RAE1: variants seen among roughly 807,000 people sequenced by gnomAD.
RAE1 encodes mRNA export factor RAE1.
RAE1 carries 13 observed loss-of-function variants against 52.7 expected under a neutral mutation model. The ratio of observed to expected loss-of-function variants is 0.25; its 90% CI spans 0.16 to 0.39. The LOEUF (loss-of-function observed/expected upper bound fraction) is 0.39. Ranked by LOEUF, RAE1 falls within the 10% of genes least tolerant of loss-of-function variation. RAE1 has a pLI of 1.00. For synonymous variants in RAE1, 164 were observed against 153.1 expected (o/e 1.07, Z -0.52); for missense variants, 262 against 459.8 (o/e 0.57, Z 3.93).
Position 57,373,556 on chromosome 20 carries a change from A to G in RAE1, c.724A>G (p.Ile242Val), listed in dbSNP as rs1162969617. The part of the protein sequence containing the change: ...ALGSIEGRVA[I>V]HYINPPNPAK... ...GGGAAGTATCGAGGGGAGAGTTGCT[A>G]TTCACTATATCAACCCCCCGAACCC... Residue 242 changes from isoleucine to valine, a missense_variant, in exon 9 of 12, where the codon ATT (isoleucine) becomes GTT (valine). Transcript: ENST00000395841. The G allele has an allele frequency of 1.9e-6, 3 of 1,614,126 alleles. No individual in the cohort carries two copies. Among genetic ancestry groups the G allele is most frequent in the Non-Finnish European group, 2.5e-6 (3 of 1,179,986 alleles).
intron 1 of RAE1, among the ~76,000 whole-genome samples, chr20:57,353,094 A>G (rs919573908): frequency 2.0e-5 from 3 of 152,236 alleles, no homozygotes; most frequent in African/African-American, 4.8e-5. Context: ...TCACTCAGCC[A>G]TTTGGCTCCC....
chr20:57,375,122 C>T (rs1222144596), intron 11 of RAE1: 2 of 654,840 alleles, frequency 3.1e-6, no homozygotes, highest in East Asian at 5.4e-5. Context: ...GGTCATGGAG[C>T]TTTCGCCTGG....
At chr20:57,374,409 C>T (rs1423267629) in intron 10 of RAE1, among the ~76,000 whole-genome samples, 198 bp from the exon 11 acceptor site, 1 of 152,182 alleles carries the variant, frequency 6.6e-6, no homozygotes, top group Non-Finnish European at 1.5e-5. Flanking sequence ...GTGCAGCCCT[C>T]ACAGGAGGCA....
At chr20:57,373,413 C>A in intron 8 of RAE1, 62 bp from the exon 9 acceptor site, 1 of 1,495,126 alleles carries the variant, frequency 6.7e-7, no homozygotes, top group Non-Finnish European at 9.2e-7. Context: ...GACTTACCTT[C>A]ACGTTAGTCA....
intron 4 of RAE1, chr20:57,359,229 G>T: frequency 5.1e-6 from 2 of 391,640 alleles, no homozygotes; most frequent in South Asian, 2.0e-4. Flanking sequence ...TGTTTCCTTA[G>T]AGCATGCCTG....
rs1360039925 is a variant in RAE1, at chr20:57,373,873, C to CTG, written c.825+137_825+138dup. The CTG allele has an allele frequency of 6.4e-6, 6 of 930,250 alleles. No homozygotes were observed. In the African/African-American group the frequency reaches 1.0e-4, roughly 15 times the overall value. The allele number at this position is 930,250 out of a possible 1,614,324, so 57.6% of individuals were successfully genotyped here. ...CATGTCCGGAGATAAGTGGCTTATG[C>CTG]TGTAGGCTTCAGGTTTCTGTGGATT... On this transcript the variant is annotated intron_variant, in intron 10 of 11. Coordinates refer to ENST00000395841, the MANE Select transcript of RAE1 (RefSeq NM_003610.4).
chr20:57,378,644 G>A lies in RAE1; in HGVS notation c.*545G>A, dbSNP rs1478172348. ...TGCTGCGCGGAACGGCAGCCTCTGTGAGCCCTGGTGGGCAGAGTTTGAATG... is the reference window on the plus strand; with the variant it reads ...TGCTGCGCGGAACGGCAGCCTCTGTAAGCCCTGGTGGGCAGAGTTTGAATG... On this transcript the variant is annotated 3_prime_UTR_variant, in exon 12 of 12. Transcript: ENST00000395841. The A allele has an allele frequency of 6.6e-6, 1 of 152,496 alleles. No homozygotes were observed. Among genetic ancestry groups the A allele is most frequent in the East Asian group, 1.9e-4 (1 of 5,188 alleles). 9.4% of individuals were successfully genotyped at this position (152,496 alleles called of 1,614,324 possible).
chr20:57,375,323 G>A (rs1024067357), intron 11 of RAE1, among the ~76,000 whole-genome samples: 2 of 152,130 alleles, frequency 1.3e-5, no homozygotes, highest in Admixed American at 1.3e-4. Flanking sequence ...AGCTCTTCTG[G>A]AGAGGTTGTC....
chr20:57,368,684 C>CT, intron 7 of RAE1, 21 bp from the exon 8 acceptor site: 1 of 1,558,250 alleles, frequency 6.4e-7, no homozygotes, highest in South Asian at 1.1e-5. Flanking sequence ...AAGCGCATCT[C>CT]TGTTTTCTTC....
rs1600699361 is a variant in RAE1 at position 57,351,420 on chromosome 20, C to T, written c.-10C>T. 3 of 985,404 alleles carry T rather than the reference C, an allele frequency of 3.0e-6. No individual in the cohort carries two copies. Among genetic ancestry groups the T allele is most frequent in the East Asian group, 2.3e-4 (2 of 8,820 alleles). The allele number at this position is 985,404 out of a possible 1,614,324, so 61.0% of individuals were successfully genotyped here. A position where few individuals can be genotyped will look rare whatever the true frequency, so the allele number is the denominator to read the frequency against. On this transcript the variant is annotated splice_region_variant and 5_prime_UTR_variant, in exon 1 of 12. Transcript: ENST00000395841. ...CCGCTTTCCGCCGGGGCGAGACCCC[C>T]AGGTAGGCCCCGTGCCGCGCGCGTC...
chr20:57,374,461 T>G, intron 10 of RAE1, 146 bp from the exon 11 acceptor site: 1 of 778,494 alleles, frequency 1.3e-6, no homozygotes, highest in East Asian at 2.4e-5. Context: ...GAAGCCTGGA[T>G]AGTTTCTCTT....
At chr20:57,354,856 C>G in intron 3 of RAE1, 40 bp downstream of exon 3, 1 of 1,436,290 alleles carries the variant, frequency 7.0e-7, no homozygotes, top group Admixed American at 2.1e-5. Context: ...AATCATCTCT[C>G]TTTGTATGGC....
chr20:57,351,797 A>G lies in RAE1; in HGVS notation c.-8+375A>G, dbSNP rs192871896. ...GTCCCCTTTTAGCCTCTTCCACGTC[A>G]ACCTGCTCCATTTCTTTCGTAGCAG... is the stretch of plus-strand genomic sequence containing the variant. On this transcript the variant is annotated intron_variant, in intron 1 of 11. Coordinates refer to ENST00000395841, the MANE Select transcript of RAE1 (RefSeq NM_003610.4). 1.7e-5 allele frequency: 17 copies of G among 985,412 alleles called. No individual in the cohort carries two copies. In the African/African-American group the frequency reaches 2.4e-4, roughly 14 times the overall value. The allele number at this position is 985,412 out of a possible 1,614,324, so 61.0% of individuals were successfully genotyped here. A position where few individuals can be genotyped will look rare whatever the true frequency, so the allele number is the denominator to read the frequency against.
intron 4 of RAE1, among the ~76,000 whole-genome samples, chr20:57,364,311 C>T (rs1194748876): frequency 6.6e-6 from 1 of 152,184 alleles, no homozygotes; most frequent in Non-Finnish European, 1.5e-5. Flanking sequence ...TTGGCATGCT[C>T]TGCTCCACAA....
At position 57,351,314 on chromosome 20, in the gene RAE1, G is replaced by C; in HGVS notation, c.-116G>C. On this transcript the variant is annotated 5_prime_UTR_variant, in exon 1 of 12. Transcript: ENST00000395841. ...GCTTAAGGAGGCTTCGGGCTCCTGG[G>C]ATTTCTGTCCGCGCTCCTGGCCCTC... is the stretch of plus-strand genomic sequence containing the variant. 2.0e-6 allele frequency: 2 copies of C among 985,514 alleles called. No homozygotes were observed. The highest frequency in any genetic ancestry group is 2.4e-6 in the Non-Finnish European group (2 of 829,992). 61.0% of individuals were successfully genotyped at this position (985,514 alleles called of 1,614,324 possible). A position where few individuals can be genotyped will look rare whatever the true frequency, so the allele number is the denominator to read the frequency against.
chr20:57,376,663 T>G (rs1231163181), intron 11 of RAE1, among the ~76,000 whole-genome samples: 2 of 152,026 alleles, frequency 1.3e-5, no homozygotes, highest in Non-Finnish European at 2.9e-5. Context: ...GTGACAAGAG[T>G]GTACTTTTTT....
rs2066971495 is a variant in RAE1 at position 57,367,408 on chromosome 20, G to T, written c.534+329G>T. Among the ~76,000 whole-genome samples, 2 of 152,120 alleles carry T rather than the reference G, an allele frequency of 1.3e-5. 1 individual carries two copies. The highest frequency in any genetic ancestry group is 4.1e-4 in the South Asian group (2 of 4,826). The stretch of plus-strand genomic sequence containing the variant: ...AAAACTTGCAGTAAGTTTGTGAGGT[G>T]GTACCAGGTCTTTGGGGACTGTTTC... On this transcript the variant is annotated intron_variant, in intron 7 of 11. Transcript: ENST00000395841.
Position 57,368,824 on chromosome 20 carries a change from G to T in RAE1, c.642+12G>T, listed in dbSNP as rs2066993982. On this transcript the variant is annotated intron_variant, in intron 8 of 11. Transcript: ENST00000395841. ...CACTGAAACATCAGGTGCGTCATTA[G>T]TCAAATCAAGAAGTATGTATTTAGC... 6.3e-7 allele frequency: 1 copy of T among 1,589,644 alleles called. No homozygotes were observed. Among genetic ancestry groups the T allele is most frequent in the South Asian group, 1.1e-5 (1 of 89,528 alleles).
At chr20:57,358,327 TAA>T (rs1311746062) in intron 4 of RAE1, 2 of 152,228 alleles carry the variant, frequency 1.3e-5, no homozygotes, top group East Asian at 3.8e-4. Context: ...GCTATCGCGA[TAA>T]GAGTGGGGAT....
Sources: allele counts gnomAD v4.1 joint callset (sites outside exome capture counted in the v4.1 genomes callset), GRCh38; gene constraint gnomAD v4.1.1; transcripts MANE v1.5; gene names NCBI Gene and HGNC (gene_info 2026-07-23, HGNC 2026-07-21).